CHD3: variants seen among roughly 807,000 people sequenced by gnomAD.
CHD3 encodes chromodomain helicase DNA binding protein 3.
Under a neutral mutation model 248.9 loss-of-function variants are expected in CHD3, and 52 were observed. That is an observed-to-expected ratio of 0.21 (90% CI 0.17 to 0.26). The LOEUF (loss-of-function observed/expected upper bound fraction) is 0.26. CHD3 is among the 10% of genes least tolerant of loss of function. CHD3 has a pLI of 1.00. For missense variants in CHD3, 1,482 were observed against 2,605.8 expected (o/e 0.57, Z 9.39); for synonymous variants, 985 against 985.2 (o/e 1.00, Z 0.00).
In CHD3 at chr17:7,910,725, C is replaced by G; in HGVS notation, c.5755-122C>G. ...ACACAGTCATCACCCTTGAGTGAGT[C>G]TCCCTGCCTGTGTATCCTACCCTTA... On this transcript the variant is annotated intron_variant, in intron 38 of 39. Coordinates refer to ENST00000330494, the MANE Select transcript of CHD3 (RefSeq NM_001005273.3). The surrounding 1 kb of genome is among the most constrained non-coding windows in gnomAD (Gnocchi z 4.7). 3 of 1,501,618 alleles carry G rather than the reference C, an allele frequency of 2.0e-6. No homozygotes were observed. The South Asian group carries it at 3.9e-5, about 19-fold the overall frequency. The allele number at this position is 1,501,618 out of a possible 1,614,324, so 93.0% of individuals were successfully genotyped here.
rs1970540285 is a variant in CHD3, at chr17:7,903,354, G to A, written c.3578G>A (p.Arg1193Gln). 1.2e-6 allele frequency: 2 copies of A among 1,614,056 alleles called. No individual in the cohort carries two copies. The highest frequency in any genetic ancestry group is 1.1e-5 in the South Asian group (1 of 91,080). The change falls in exon 23 of 40, where the codon CGA becomes CAA. Residue 1193 changes from arginine (R) to glutamine (Q), a missense_variant. By Grantham distance (43) the Arg-to-Gln change is conservative (BLOSUM62 1). Coordinates refer to ENST00000330494, the MANE Select transcript of CHD3 (RefSeq NM_001005273.3). The surrounding 1 kb of genome is among the most constrained non-coding windows in gnomAD (Gnocchi z 6.8). ...GTGACTCGCGCGTCAGTGGAAGAGC[G>A]AATCACACAAGTGGCCAAGAGAAAG... ...RFVTRASVEE[R>Q]ITQVAKRKMM...
At chr17:7,891,735 C>T (rs1298834213) in intron 4 of CHD3, among the ~76,000 whole-genome samples, 1 of 152,058 alleles carries the variant, frequency 6.6e-6, no homozygotes, top group Non-Finnish European at 1.5e-5. Context: ...GTGGCACATG[C>T]CTGTAATCCC....
In CHD3 at chr17:7,895,184, T is replaced by C. The variant is rs770051180; in HGVS notation, c.1503+34T>C. The C allele has an allele frequency of 1.9e-6, 3 of 1,600,266 alleles. No individual in the cohort carries two copies. The East Asian group carries it at 6.7e-5, about 36-fold the overall frequency. ...AAACATCTCCCCTCTGTATTTACTGTCAGGCCTGATCCCTTCCCCCATCCC... is the reference window on the plus strand; with the variant it reads ...AAACATCTCCCCTCTGTATTTACTGCCAGGCCTGATCCCTTCCCCCATCCC... On this transcript the variant is annotated intron_variant, in intron 9 of 39. Coordinates refer to ENST00000330494, the MANE Select transcript of CHD3 (RefSeq NM_001005273.3). This position sits in a 1 kb window ranked among gnomAD's most constrained non-coding sequence, Gnocchi z 4.9.
Position 7,904,142 on chromosome 17 carries a change from TC to T in CHD3, c.3894+152del. On this transcript the variant is annotated intron_variant, in intron 24 of 39. Transcript: ENST00000330494. The surrounding 1 kb of genome is among the most constrained non-coding windows in gnomAD (Gnocchi z 4.4). ...TTCGTCTAATAGGTGAGACTGGACT[TC>T]AGAGAGAAACGTAGGCACAGACAGT... 1.3e-6 allele frequency: 1 copy of T among 781,494 alleles called. No homozygotes were observed. The highest frequency in any genetic ancestry group is 2.0e-6 in the Non-Finnish European group (1 of 492,786). The allele number at this position is 781,494 out of a possible 1,614,324, so 48.4% of individuals were successfully genotyped here. A position where few individuals can be genotyped will look rare whatever the true frequency, so the allele number is the denominator to read the frequency against.
At position 7,893,365 on chromosome 17, in the gene CHD3, A is replaced by T; in HGVS notation, c.589A>T (p.Ser197Cys). Reference protein sequence around the residue: ...TILGAKWREFSANNPFKGSAA... With the variant: ...TILGAKWREFCANNPFKGSAA... The stretch of plus-strand genomic sequence containing the variant: ...CCTTGGGGCCAAATGGAGAGAGTTC[A>T]GTGCCAACAACCCCTTCAAGGGGTC... The change falls in exon 5 of 40, where the codon AGT becomes TGT. Residue 197 changes from serine (S) to cysteine (C), a missense_variant. Physicochemically the swap from Ser to Cys is moderately radical, Grantham distance 112 (BLOSUM62 -1). This residue lies in a region of CHD3 where 30 missense variants were observed against 83.5 expected (regional missense o/e 0.36). Coordinates refer to ENST00000330494, the MANE Select transcript of CHD3 (RefSeq NM_001005273.3). 1 of 1,613,938 alleles carries T rather than the reference A, an allele frequency of 6.2e-7. No homozygotes were observed. The highest frequency in any genetic ancestry group is 1.1e-5 in the South Asian group (1 of 91,056).
upstream of CHD3, chr17:7,885,061 G>A: frequency 1.0e-6 from 1 of 954,236 alleles, no homozygotes; most frequent in Non-Finnish European, 1.2e-6. Flanking sequence ...CGCTGCCCCC[G>A]CCGCCGCCGC....
Position 7,899,286 on chromosome 17 carries a change from G to T in CHD3, c.2344-57G>T. The stretch of plus-strand genomic sequence containing the variant: ...AGATAAAGGGGTGTAGCTGGCAGAG[G>T]ACTAGGGTATACGGCCTCTAGCCTA... On this transcript the variant is annotated intron_variant, in intron 14 of 39. Transcript: ENST00000330494. This position sits in a 1 kb window ranked among gnomAD's most constrained non-coding sequence, Gnocchi z 6.8. 2 of 1,605,634 alleles carry T rather than the reference G, an allele frequency of 1.2e-6. No individual in the cohort carries two copies. The highest frequency in any genetic ancestry group is 2.2e-5 in the South Asian group (2 of 90,906).
In CHD3 at chr17:7,901,965, C is replaced by T. The variant is rs1015866974; in HGVS notation, c.3252+590C>T. Among the ~76,000 whole-genome samples, 8 of 152,220 alleles carry T rather than the reference C, an allele frequency of 5.3e-5. No homozygotes were observed. The East Asian group carries it at 1.4e-3, about 26-fold the overall frequency. On this transcript the variant is annotated intron_variant, in intron 20 of 39. Transcript: ENST00000330494. ...CAGGTGAGGGTGAAGGGCACAGACC[C>T]TTTGGAAATGTGATGAAAGCTCTGG... is the stretch of plus-strand genomic sequence containing the variant.
upstream of CHD3, chr17:7,888,733 CGCGT>C: frequency 7.4e-6 from 8 of 1,086,140 alleles, no homozygotes; most frequent in Non-Finnish European, 9.6e-6. Flanking sequence ...TGTGGGTGCG[CGCGT>C]GCGCGCGCGT....
Position 7,909,063 on chromosome 17 carries a change from C to A in CHD3, c.5395-80C>A. ...GGCCAGCAGTGAGGGCAGGGTGGGTCTCTTGCTATGTCCGCCCCCCCAGCC... is the reference window on the plus strand; with the variant it reads ...GGCCAGCAGTGAGGGCAGGGTGGGTATCTTGCTATGTCCGCCCCCCCAGCC... On this transcript the variant is annotated intron_variant, in intron 36 of 39. Coordinates refer to ENST00000330494, the MANE Select transcript of CHD3 (RefSeq NM_001005273.3). The surrounding 1 kb of genome is among the most constrained non-coding windows in gnomAD (Gnocchi z 8.1). 6.5e-7 allele frequency: 1 copy of A among 1,530,136 alleles called. No homozygotes were observed. Among genetic ancestry groups the A allele is most frequent in the Non-Finnish European group, 8.8e-7 (1 of 1,132,370 alleles). 94.8% of individuals were successfully genotyped at this position (1,530,136 alleles called of 1,614,324 possible).
Position 7,908,044 on chromosome 17 carries a change from T to C in CHD3, c.5152+25T>C. On this transcript the variant is annotated intron_variant, in intron 34 of 39. Coordinates refer to ENST00000330494, the MANE Select transcript of CHD3 (RefSeq NM_001005273.3). This position sits in a 1 kb window ranked among gnomAD's most constrained non-coding sequence, Gnocchi z 5.8. ...GGTTGGGGAGACTCTCGCTGCTTTC[T>C]GCTCCTCAAGGGGATCTGCTCATCC... The C allele has an allele frequency of 6.3e-7, 1 of 1,580,970 alleles. No individual in the cohort carries two copies. Among genetic ancestry groups the C allele is most frequent in the Non-Finnish European group, 8.6e-7 (1 of 1,158,360 alleles).
At position 7,905,933 on chromosome 17, in the gene CHD3, C is replaced by G. The variant is rs549772047; in HGVS notation, c.4302C>G (p.Ala1434=). Residue 1434 remains alanine (A), a synonymous_variant, in exon 28 of 40, where the codon GCC becomes GCG. Transcript: ENST00000330494. The surrounding 1 kb of genome is among the most constrained non-coding windows in gnomAD (Gnocchi z 5.8). ...GCTGGGGGATGCCACCACAGGATGC[C>G]TTCACCACACAGTGGCTGGTGCGGG... is the stretch of plus-strand genomic sequence containing the variant. ...VMRWGMPPQD[A]FTTQWLVRDL... is the part of the protein sequence containing the mutation. The G allele has an allele frequency of 6.2e-7, 1 of 1,614,058 alleles. No individual in the cohort carries two copies.
In CHD3 at chr17:7,888,992, T is replaced by A; in HGVS notation, c.-9T>A. The A allele has an allele frequency of 6.2e-7, 1 of 1,614,182 alleles. No homozygotes were observed. On this transcript the variant is annotated 5_prime_UTR_variant, in exon 1 of 40. Coordinates refer to ENST00000330494, the MANE Select transcript of CHD3 (RefSeq NM_001005273.3). ...TATTTAGGTAATTGTGGAGACTTTC[T>A]CCTGTGTGATGAAGGCGGCAGACAC...
chr17:7,908,865 G>C lies in CHD3; in HGVS notation c.5394+36G>C. On this transcript the variant is annotated intron_variant, in intron 36 of 39. Transcript: ENST00000330494. This position sits in a 1 kb window ranked among gnomAD's most constrained non-coding sequence, Gnocchi z 5.8. ...GGGAGGAAAGGAGCGGGTTATAGAC[G>C]GGCTTGGGTCAGAAGTGAGACCAGA... The C allele has an allele frequency of 6.2e-7, 1 of 1,613,628 alleles. No individual in the cohort carries two copies. The highest frequency in any genetic ancestry group is 1.3e-5 in the African/African-American group (1 of 75,038).
In CHD3 at chr17:7,911,960, T is replaced by C; in HGVS notation, c.*375T>C. ...TCCCTGCAGAATCAGCTCTGTCTCA[T>C]GTGGAAGTGGAGAATCAGCCTTGCC... On this transcript the variant is annotated 3_prime_UTR_variant, in exon 40 of 40. Coordinates refer to ENST00000330494, the MANE Select transcript of CHD3 (RefSeq NM_001005273.3). The surrounding 1 kb of genome is among the most constrained non-coding windows in gnomAD (Gnocchi z 5.4). 1 of 349,690 alleles carries C rather than the reference T, an allele frequency of 2.9e-6. No homozygotes were observed. The highest frequency in any genetic ancestry group is 5.5e-6 in the Non-Finnish European group (1 of 182,906). 21.7% of individuals were successfully genotyped at this position (349,690 alleles called of 1,614,324 possible).
chr17:7,909,038 G>A lies in CHD3; in HGVS notation c.5395-105G>A. 1 of 1,473,180 alleles carries A rather than the reference G, an allele frequency of 6.8e-7. No individual in the cohort carries two copies. The highest frequency in any genetic ancestry group is 2.1e-5 in the Admixed American group (1 of 48,720). 91.3% of individuals were successfully genotyped at this position (1,473,180 alleles called of 1,614,324 possible). ...TCGGTTTGGAGCTGGGAGTGCCCTG[G>A]GCCAGCAGTGAGGGCAGGGTGGGTC... On this transcript the variant is annotated intron_variant, in intron 36 of 39. Coordinates refer to ENST00000330494, the MANE Select transcript of CHD3 (RefSeq NM_001005273.3). The surrounding 1 kb of genome is among the most constrained non-coding windows in gnomAD (Gnocchi z 8.1).
chr17:7,908,272 C>T lies in CHD3; in HGVS notation c.5153-130C>T, dbSNP rs1971241956. The T allele has an allele frequency of 2.3e-6, 2 of 865,246 alleles. No homozygotes were observed. Among genetic ancestry groups the T allele is most frequent in the East Asian group, 5.3e-5 (2 of 37,766 alleles). The allele number at this position is 865,246 out of a possible 1,614,324, so 53.6% of individuals were successfully genotyped here. A position where few individuals can be genotyped will look rare whatever the true frequency, so the allele number is the denominator to read the frequency against. On this transcript the variant is annotated intron_variant, in intron 34 of 39. Transcript: ENST00000330494. The surrounding 1 kb of genome is among the most constrained non-coding windows in gnomAD (Gnocchi z 5.8). Reference sequence around the variant, plus strand: ...GAACTGAGTTTGTTCCAAACCTAACCTTTACCCATTCCTCTTCAGGAGCCC... The same window carrying T: ...GAACTGAGTTTGTTCCAAACCTAACTTTTACCCATTCCTCTTCAGGAGCCC...
Position 7,907,984 on chromosome 17 carries a change from G to T in CHD3, c.5117G>T (p.Arg1706Leu), listed in dbSNP as rs1337917410. 6.2e-7 allele frequency: 1 copy of T among 1,611,274 alleles called. No homozygotes were observed. ...CGAGAGGAAAAGACAGAGAAGCCCC[G>T]GTTCATGTTCAATATCGCCGATGGT... ...GRREEKTEKP[R>L]FMFNIADGGF... Residue 1706 changes from arginine (R) to leucine (L), a missense_variant, in exon 34 of 40, where the codon CGG becomes CTG. By Grantham distance (102) the Arg-to-Leu change is moderately radical (BLOSUM62 -2). This residue lies in a region of CHD3 where 254 missense variants were observed against 266.7 expected (regional missense o/e 0.95). Transcript: ENST00000330494. This position sits in a 1 kb window ranked among gnomAD's most constrained non-coding sequence, Gnocchi z 4.3.
In CHD3 at chr17:7,893,727, G is replaced by C. The variant is rs909067461; in HGVS notation, c.794-78G>C. The C allele has an allele frequency of 6.4e-6, 10 of 1,562,568 alleles. No individual in the cohort carries two copies. In the African/African-American group the frequency reaches 1.4e-4, roughly 21 times the overall value. On this transcript the variant is annotated intron_variant, in intron 5 of 39. Transcript: ENST00000330494. ...AAACCACAGCCCACAGAGGAATCCA[G>C]AGGCCCCTGTGACCTCCATAATTCC...
Sources: allele counts gnomAD v4.1 joint callset (sites outside exome capture counted in the v4.1 genomes callset), GRCh38; gene constraint gnomAD v4.1.1; regional missense constraint gnomAD v4.1.1; non-coding constraint Gnocchi (gnomAD v3.1); transcripts MANE v1.5; gene names NCBI Gene and HGNC (gene_info 2026-07-23, HGNC 2026-07-21).